The following MAPKAP1 variants were observed in gnomAD, a reference collection of about 807,000 sequenced individuals.
MAPKAP1 encodes target of rapamycin complex 2 subunit MAPKAP1.
MAPKAP1 carries 20 observed loss-of-function variants against 65.7 expected under a neutral mutation model. That is an observed-to-expected ratio of 0.30 (90% confidence interval 0.21 to 0.44). MAPKAP1 has a LOEUF of 0.44. Ranked by LOEUF, MAPKAP1 falls within the 20% of genes least tolerant of loss-of-function variation. MAPKAP1 has a pLI of 1.00. For synonymous variants in MAPKAP1, 222 were observed against 244.3 expected (o/e 0.91, Z 0.85); for missense variants, 423 against 648.0 (o/e 0.65, Z 3.77).
chr9:125,695,645 C>G (rs1835360256), intron 1 of MAPKAP1, among the ~76,000 whole-genome samples: 1 of 151,988 alleles, frequency 6.6e-6, no homozygotes. Context: ...TTATATTGTA[C>G]ATAAGAGAAT....
chr9:125,530,165 A>G (rs1829893580), intron 7 of MAPKAP1, among the ~76,000 whole-genome samples: 1 of 152,206 alleles, frequency 6.6e-6, no homozygotes, highest in Admixed American at 6.5e-5. Flanking sequence ...TTTTTCATAG[A>G]AAGTAGCTAA....
chr9:125,617,445 A>C (rs1316104085), intron 4 of MAPKAP1, among the ~76,000 whole-genome samples: 1 of 152,240 alleles, frequency 6.6e-6, no homozygotes, highest in East Asian at 1.9e-4. Flanking sequence ...TGGGCAACAG[A>C]GACCCTATCT....
At chr9:125,700,235 C>T (rs1835554986) in intron 1 of MAPKAP1, among the ~76,000 whole-genome samples, 1 of 152,164 alleles carries the variant, frequency 6.6e-6, no homozygotes, top group Non-Finnish European at 1.5e-5. Context: ...CAAAAGAAAA[C>T]CATTCCTTCA....
chr9:125,599,498 C>A (rs1048584534), intron 4 of MAPKAP1, among the ~76,000 whole-genome samples: 1 of 152,116 alleles, frequency 6.6e-6, no homozygotes, highest in Admixed American at 6.5e-5. Context: ...GGTTACTAAA[C>A]ACCATGGAAT....
intron 1 of MAPKAP1, among the ~76,000 whole-genome samples, chr9:125,689,636 G>A (rs1835103862): frequency 6.7e-6 from 1 of 149,834 alleles, no homozygotes; most frequent in African/African-American, 2.5e-5. Flanking sequence ...CTACTCAGGA[G>A]GCTGAGGCGT....
intron 3 of MAPKAP1, among the ~76,000 whole-genome samples, chr9:125,659,973 A>C (rs1358973927): frequency 6.6e-6 from 1 of 152,170 alleles, no homozygotes; most frequent in Non-Finnish European, 1.5e-5. Flanking sequence ...ATGTCTTGGC[A>C]GCATTTGACA....
chr9:125,669,708 G>A (rs910435792), intron 3 of MAPKAP1, 110 bp downstream of exon 3: 28 of 530,646 alleles, frequency 5.3e-5, no homozygotes, highest in African/African-American at 4.3e-4. Flanking sequence ...CAAAACACTA[G>A]AGGTATCTAA....
chr9:125,491,701 A>C (rs1294231574), intron 8 of MAPKAP1, among the ~76,000 whole-genome samples: 1 of 151,926 alleles, frequency 6.6e-6, no homozygotes, highest in Non-Finnish European at 1.5e-5. Context: ...GGATCGCTTG[A>C]GCCTAGGAGG....
At chr9:125,473,675 T>A (rs1854005705) in intron 9 of MAPKAP1, among the ~76,000 whole-genome samples, 1 of 152,146 alleles carries the variant, frequency 6.6e-6, no homozygotes, top group Admixed American at 6.5e-5. Context: ...CCGCGTAGCA[T>A]CTTCTTCTAA....
intron 1 of MAPKAP1, among the ~76,000 whole-genome samples, chr9:125,703,781 A>C (rs1373321376): frequency 6.7e-6 from 1 of 149,112 alleles, no homozygotes; most frequent in Non-Finnish European, 1.5e-5. Context: ...AAAAAAAAAA[A>C]AAAAACAAGT....
intron 4 of MAPKAP1, among the ~76,000 whole-genome samples, chr9:125,619,850 G>T (rs1716888986): frequency 6.6e-6 from 1 of 151,578 alleles, no homozygotes; most frequent in African/African-American, 2.4e-5. Context: ...ACAAAGTCAA[G>T]ATACATAATA....
intron 5 of MAPKAP1, among the ~76,000 whole-genome samples, chr9:125,563,595 T>TA (rs957496040): frequency 2.0e-5 from 3 of 152,206 alleles, no homozygotes; most frequent in Non-Finnish European, 4.4e-5. Flanking sequence ...TCTCCATACT[T>TA]ACTAAAGAGT....
chr9:125,662,744 A>G (rs1330671105), intron 3 of MAPKAP1, among the ~76,000 whole-genome samples: 2 of 151,952 alleles, frequency 1.3e-5, no homozygotes, highest in Non-Finnish European at 2.9e-5. Context: ...AATGTTTTTC[A>G]ATGTAATTAT....
Position 125,447,346 on chromosome 9 carries a change from G to A in MAPKAP1, c.1346-2748C>T. ...TCACGCCATAGGAGAGGGGAACAGA[G>A]GGCAGAGAACGTTCTGTGGAGCACT... On this transcript the variant is annotated intron_variant, in intron 10 of 11. Coordinates refer to ENST00000265960, the MANE Select transcript of MAPKAP1 (RefSeq NM_001006617.3). This position sits in a 1 kb window ranked among gnomAD's most constrained non-coding sequence, Gnocchi z 4.5. 2.2e-6 allele frequency: 1 copy of A among 455,422 alleles called. No individual in the cohort carries two copies. Among genetic ancestry groups the A allele is most frequent in the Non-Finnish European group, 4.4e-6 (1 of 226,212 alleles). 28.2% of individuals were successfully genotyped at this position (455,422 alleles called of 1,614,324 possible).
chr9:125,461,728 T>G (rs979599236), intron 10 of MAPKAP1, among the ~76,000 whole-genome samples: 6 of 152,190 alleles, frequency 3.9e-5, no homozygotes, highest in Non-Finnish European at 8.8e-5. Flanking sequence ...TTACTGTATT[T>G]GATCTGGAAC....
intron 1 of MAPKAP1, among the ~76,000 whole-genome samples, chr9:125,705,838 G>C (rs888707278): frequency 6.6e-6 from 1 of 152,220 alleles, no homozygotes; most frequent in South Asian, 2.1e-4. Context: ...AAAATCAATG[G>C]AATAGGAAAG....
chr9:125,454,581 A>C (rs1185842163), intron 10 of MAPKAP1, among the ~76,000 whole-genome samples: 1 of 152,220 alleles, frequency 6.6e-6, no homozygotes, highest in Non-Finnish European at 1.5e-5. Flanking sequence ...ACTGAACATC[A>C]TGATTCTCCC....
chr9:125,488,636 G>A (rs1335380762), intron 8 of MAPKAP1, among the ~76,000 whole-genome samples: 2 of 152,184 alleles, frequency 1.3e-5, no homozygotes, highest in South Asian at 2.1e-4. Flanking sequence ...GTGAGCCACC[G>A]TGCCCAGCCT....
intron 8 of MAPKAP1, among the ~76,000 whole-genome samples, chr9:125,503,047 G>A (rs968048543): frequency 4.6e-5 from 7 of 152,170 alleles, no homozygotes; most frequent in Non-Finnish European, 1.0e-4. Context: ...TCTGCCTCAT[G>A]TTAATATGGC....
Sources: allele counts gnomAD v4.1 joint callset (sites outside exome capture counted in the v4.1 genomes callset), GRCh38; gene constraint gnomAD v4.1.1; non-coding constraint Gnocchi (gnomAD v3.1); transcripts MANE v1.5; gene names NCBI Gene and HGNC (gene_info 2026-07-23, HGNC 2026-07-21).